The following GALNT13 variants were observed in gnomAD, a reference collection of about 807,000 sequenced individuals.
GALNT13 encodes the protein polypeptide N-acetylgalactosaminyltransferase 13, also known as UDP-GalNAc:polypeptide N-acetylgalactosaminyltransferase 13.
Under a neutral mutation model 64.2 loss-of-function variants are expected in GALNT13, and 28 were observed. That is an observed-to-expected ratio of 0.44 (90% CI 0.32 to 0.60). GALNT13 has a LOEUF of 0.60. Ranked by LOEUF, GALNT13 falls within the 20% of genes least tolerant of loss-of-function variation. GALNT13 has a pLI of 0.05. For missense variants in GALNT13, 577 were observed against 669.8 expected (o/e 0.86, Z 1.53); for synonymous variants, 214 against 224.6 (o/e 0.95, Z 0.42).
At chr2:153,967,380 T>C (rs1218146721) in intron 3 of GALNT13, among the ~76,000 whole-genome samples, 5 of 152,178 alleles carry the variant, frequency 3.3e-5, no homozygotes, top group Non-Finnish European at 7.4e-5. Context: ...TTTAGAGAGC[T>C]TTCCAGGAAT....
intron 2 of GALNT13, among the ~76,000 whole-genome samples, chr2:153,909,696 T>G (rs1688814371): frequency 6.6e-6 from 1 of 152,228 alleles, no homozygotes; most frequent in South Asian, 2.1e-4. Flanking sequence ...CATGTGGTTT[T>G]GACTTTTACC....
At chr2:154,194,930 C>A (rs1461364916) in intron 4 of GALNT13, among the ~76,000 whole-genome samples, 1 of 149,410 alleles carries the variant, frequency 6.7e-6, no homozygotes, top group Admixed American at 6.7e-5. Flanking sequence ...CATAGATATA[C>A]ATATGCCATG....
intron 9 of GALNT13, among the ~76,000 whole-genome samples, chr2:154,344,794 G>A (rs1311659809): frequency 1.3e-5 from 2 of 151,950 alleles, no homozygotes; most frequent in African/African-American, 2.4e-5. Context: ...GAATTAGTGC[G>A]AATAGAATTT....
At chr2:154,162,976 T>TA (rs200759483) in intron 4 of GALNT13, among the ~76,000 whole-genome samples, 8,619 of 143,416 alleles carry the variant, frequency 0.06, 349 homozygotes, top group African/African-American at 0.12. Context: ...ATTTTTCTAT[T>TA]TTTTTTTTTA....
At chr2:154,029,350 A>G (rs998569608) in intron 3 of GALNT13, among the ~76,000 whole-genome samples, 2 of 152,018 alleles carry the variant, frequency 1.3e-5, no homozygotes, top group African/African-American at 2.4e-5. Context: ...TGCTAAGTGT[A>G]GGACAGCTAT....
intron 3 of GALNT13, among the ~76,000 whole-genome samples, chr2:154,005,123 TG>T (rs1322112822): frequency 1.3e-5 from 2 of 152,206 alleles, no homozygotes; most frequent in African/African-American, 4.8e-5. Context: ...TTTCGAATTT[TG>T]TCTTCAGTCA....
chr2:154,225,135 G>C (rs1283764811), intron 4 of GALNT13, among the ~76,000 whole-genome samples: 1 of 132,820 alleles, frequency 7.5e-6, no homozygotes, highest in Non-Finnish European at 1.6e-5. Context: ...TAGATAGATA[G>C]ATAGATAGAT....
At chr2:154,333,955 C>A (rs1009843165) in intron 9 of GALNT13, among the ~76,000 whole-genome samples, 1 of 151,974 alleles carries the variant, frequency 6.6e-6, no homozygotes, top group African/African-American at 2.4e-5. Flanking sequence ...TGGCCTATTT[C>A]TACAATTGTC....
the GALNT13 span, among the ~76,000 whole-genome samples, chr2:153,368,594 G>A: frequency 8.5e-5 from 13 of 152,110 alleles, no homozygotes; most frequent in African/African-American, 2.7e-4. Flanking sequence ...ATTACATGAC[G>A]ATAAAGAATA....
chr2:154,316,147 G>GA (rs1694308114), intron 9 of GALNT13, among the ~76,000 whole-genome samples: 2 of 152,056 alleles, frequency 1.3e-5, no homozygotes, highest in Admixed American at 1.3e-4. Context: ...TTATATCGTT[G>GA]AAAATAAGAT....
the GALNT13 span, among the ~76,000 whole-genome samples, chr2:153,092,597 A>C: frequency 5.3e-5 from 8 of 150,902 alleles, no homozygotes; most frequent in African/African-American, 1.9e-4. Flanking sequence ...ATGTGTGACT[A>C]TTGTAAATGA....
chr2:153,808,787 T>C, the GALNT13 span, among the ~76,000 whole-genome samples: 1 of 152,246 alleles, frequency 6.6e-6, no homozygotes, highest in African/African-American at 2.4e-5. Flanking sequence ...TCTTTACCTA[T>C]ATTAGCCTCT....
chr2:153,092,357 TTTTTTC>T, the GALNT13 span, among the ~76,000 whole-genome samples: 1 of 152,198 alleles, frequency 6.6e-6, no homozygotes, highest in Non-Finnish European at 1.5e-5. Context: ...TTTAGGATCT[TTTTTTC>T]TATTTCTGTG....
chr2:154,031,532 G>A (rs745411990), intron 3 of GALNT13, among the ~76,000 whole-genome samples: 3 of 151,742 alleles, frequency 2.0e-5, no homozygotes, highest in Non-Finnish European at 1.5e-5. Flanking sequence ...AATGTGTATG[G>A]ATATATATAG....
At chr2:154,228,505 G>T (rs1688747595) in intron 4 of GALNT13, among the ~76,000 whole-genome samples, 1 of 152,152 alleles carries the variant, frequency 6.6e-6, no homozygotes, top group Non-Finnish European at 1.5e-5. Flanking sequence ...TCCCCTGGAT[G>T]TGGTCCCTGC....
chr2:154,144,093 A>G (rs1683426636), intron 4 of GALNT13, among the ~76,000 whole-genome samples: 1 of 152,096 alleles, frequency 6.6e-6, no homozygotes, highest in Admixed American at 6.6e-5. Context: ...AGTCTCTGAA[A>G]TAATATTAAT....
chr2:153,829,655 C>A, the GALNT13 span, among the ~76,000 whole-genome samples: 1 of 151,968 alleles, frequency 6.6e-6, no homozygotes, highest in South Asian at 2.1e-4. Flanking sequence ...AGATGCCAAG[C>A]AGACAGTTAA....
the GALNT13 span, among the ~76,000 whole-genome samples, chr2:153,634,542 CTTTTT>C: frequency 3.4e-3 from 314 of 91,216 alleles, 1 homozygote; most frequent in African/African-American, 0.014. Flanking sequence ...AGATGGAAAT[CTTTTT>C]TTTTTTTTTT....
chr2:153,405,073 C>T, the GALNT13 span, among the ~76,000 whole-genome samples: 1 of 152,004 alleles, frequency 6.6e-6, no homozygotes, highest in African/African-American at 2.4e-5. Context: ...GTTTTGTATC[C>T]AGTAGGTTAC....
Sources: gnomAD v4.1 joint callset for allele counts (sites outside exome capture counted in the v4.1 genomes callset) on GRCh38, gnomAD v4.1.1 for gene constraint, MANE v1.5 for transcripts, NCBI Gene and HGNC (gene_info 2026-07-23, HGNC 2026-07-21) for gene names.